Variants in NCOA2 observed in about 807,000 individuals in gnomAD.
NCOA2 encodes class E basic helix-loop-helix protein 75.
NCOA2 carries 21 observed loss-of-function variants against 145.1 expected under a neutral mutation model. The observed-to-expected ratio is 0.14, with a 90% CI of 0.10 to 0.21. NCOA2 has a LOEUF of 0.21. NCOA2 is among the 10% of genes least tolerant of loss of function. The probability of loss-of-function intolerance (pLI) is 1.00; values close to 1 mark genes in which losing one functional copy is unlikely to be tolerated. For missense variants in NCOA2, 1,472 were observed against 1,837.6 expected (o/e 0.80, Z 3.64); for synonymous variants, 619 against 637.5 (o/e 0.97, Z 0.44).
At chr8:70,389,105 C>G (rs142008813) in intron 1 of NCOA2, among the ~76,000 whole-genome samples, 2,773 of 152,170 alleles carry the variant, frequency 0.018, 74 homozygotes, top group Non-Finnish European at 0.019. Flanking sequence ...ATATCACTGT[C>G]TTTATACTAT....
chr8:70,309,734 T>G (rs1828162854), intron 1 of NCOA2, among the ~76,000 whole-genome samples: 1 of 152,054 alleles, frequency 6.6e-6, no homozygotes, highest in South Asian at 2.1e-4. Context: ...GAGGATTGCT[T>G]GAACCTAGGA....
chr8:70,451,237 A>AAAATAT, the NCOA2 span, among the ~76,000 whole-genome samples: 1 of 69,514 alleles, frequency 1.4e-5, no homozygotes, highest in South Asian at 3.9e-4. Context: ...AAAAAAAAAA[A>AAAATAT]ATATATATAT....
At chr8:70,149,872 C>T (rs2957096) in intron 11 of NCOA2, among the ~76,000 whole-genome samples, 1 of 152,164 alleles carries the variant, frequency 6.6e-6, no homozygotes, top group Non-Finnish European at 1.5e-5. Flanking sequence ...TTCCTTTCAT[C>T]TACACTGGCA....
chr8:70,170,498 C>A (rs1814128951), intron 5 of NCOA2, 119 bp from the exon 6 acceptor site: 2 of 827,414 alleles, frequency 2.4e-6, no homozygotes, highest in Admixed American at 7.3e-5. Context: ...GAAAAGAGAT[C>A]TTTCTCAGCC....
At chr8:70,246,441 G>T (rs1822627961) in intron 2 of NCOA2, among the ~76,000 whole-genome samples, 1 of 152,182 alleles carries the variant, frequency 6.6e-6, no homozygotes, top group African/African-American at 2.4e-5. Flanking sequence ...AAGAATGACA[G>T]ATTCTGTTAA....
chr8:70,303,319 A>G (rs1687492240), intron 1 of NCOA2, among the ~76,000 whole-genome samples: 1 of 152,214 alleles, frequency 6.6e-6, no homozygotes, highest in Admixed American at 6.5e-5. Flanking sequence ...AAGGAAAATG[A>G]GAAGAAATTA....
the NCOA2 span, among the ~76,000 whole-genome samples, chr8:70,439,546 C>G: frequency 6.6e-6 from 1 of 152,218 alleles, no homozygotes; most frequent in Non-Finnish European, 1.5e-5. Flanking sequence ...TGAGCAAGTT[C>G]TATGTGCTAT....
chr8:70,193,241 C>T (rs1197742751), intron 4 of NCOA2, among the ~76,000 whole-genome samples: 1 of 152,090 alleles, frequency 6.6e-6, no homozygotes, highest in African/African-American at 2.4e-5. Flanking sequence ...TCGTTAGATG[C>T]AATATTGATA....
intron 4 of NCOA2, among the ~76,000 whole-genome samples, chr8:70,206,627 G>A (rs1177075240): frequency 6.6e-6 from 1 of 152,128 alleles, no homozygotes; most frequent in Non-Finnish European, 1.5e-5. Flanking sequence ...GCTGAAGATG[G>A]TTAGAGGTCT....
chr8:70,233,254 C>T (rs1260465020), intron 2 of NCOA2, among the ~76,000 whole-genome samples: 1 of 151,936 alleles, frequency 6.6e-6, no homozygotes, highest in African/African-American at 2.4e-5. Context: ...GTGTCATATA[C>T]CATATTTCAT....
chr8:70,382,078 G>A (rs888228621), intron 1 of NCOA2, among the ~76,000 whole-genome samples: 2 of 152,044 alleles, frequency 1.3e-5, no homozygotes, highest in African/African-American at 4.8e-5. Context: ...CACTGAAGGA[G>A]TTTATCATTT....
chr8:70,351,578 A>G (rs1005761878), intron 1 of NCOA2, among the ~76,000 whole-genome samples: 1 of 146,954 alleles, frequency 6.8e-6, no homozygotes, highest in South Asian at 2.1e-4. Context: ...ATTTGGGTTC[A>G]CCTTTTCTTT....
chr8:70,344,710 G>T (rs936150910), intron 1 of NCOA2, among the ~76,000 whole-genome samples: 1 of 152,184 alleles, frequency 6.6e-6, no homozygotes, highest in East Asian at 1.9e-4. Context: ...AAAGTTCCAT[G>T]AGCAGGAGAG....
intron 2 of NCOA2, among the ~76,000 whole-genome samples, chr8:70,260,055 A>G (rs910114962): frequency 6.6e-6 from 1 of 152,242 alleles, no homozygotes; most frequent in African/African-American, 2.4e-5. Flanking sequence ...ACCAGGAAAC[A>G]AAGTTACAAC....
chr8:70,408,775 C>CTT (rs34645469), upstream of NCOA2, among the ~76,000 whole-genome samples: 919 of 125,992 alleles, frequency 7.3e-3, 5 homozygotes, highest in Middle Eastern at 0.017. Flanking sequence ...CCACACCCAG[C>CTT]TTTTTTTTTT....
chr8:70,395,442 A>G (rs186028919), intron 1 of NCOA2, among the ~76,000 whole-genome samples: 85 of 152,292 alleles, frequency 5.6e-4, no homozygotes, highest in South Asian at 4.4e-3. Context: ...CTGCTTCTGT[A>G]ATTTCCAGAA....
chr8:70,438,347 C>T, the NCOA2 span, among the ~76,000 whole-genome samples: 2 of 152,052 alleles, frequency 1.3e-5, no homozygotes, highest in African/African-American at 4.8e-5. Context: ...CTTTTTGGTC[C>T]ATTATATTTT....
At chr8:70,376,371 A>G (rs904933656) in intron 1 of NCOA2, among the ~76,000 whole-genome samples, 78 of 148,126 alleles carry the variant, frequency 5.3e-4, no homozygotes, top group African/African-American at 1.4e-3. Flanking sequence ...ACACACACGC[A>G]CACACACACA....
At chr8:70,281,004 C>A (rs996985212) in intron 2 of NCOA2, among the ~76,000 whole-genome samples, 18 of 151,148 alleles carry the variant, frequency 1.2e-4, no homozygotes, top group African/African-American at 3.7e-4. Context: ...ACATCTGCAT[C>A]CTGGCTATGG....
Sources: allele counts gnomAD v4.1 joint callset (sites outside exome capture counted in the v4.1 genomes callset), GRCh38; gene constraint gnomAD v4.1.1; transcripts MANE v1.5; gene names NCBI Gene and HGNC (gene_info 2026-07-23, HGNC 2026-07-21).